EFNB2: variants seen among roughly 807,000 people sequenced by gnomAD.
EFNB2 encodes ephrin B2.
Under a neutral mutation model 32.1 loss-of-function variants are expected in EFNB2, and 5 were observed. The observed-to-expected ratio is 0.16, with a 90% CI of 0.08 to 0.33. EFNB2 has a LOEUF of 0.33. Ranked by LOEUF, EFNB2 falls within the 10% of genes least tolerant of loss-of-function variation. The pLI is 1.00. For missense variants in EFNB2, 263 were observed against 422.6 expected, an observed-to-expected ratio of 0.62 and a Z score of 3.31; for synonymous variants, 168 against 166.5, an observed-to-expected ratio of 1.01 and a Z score of -0.07.
chr13:106,528,132 G>A (rs893118780), intron 1 of EFNB2, among the ~76,000 whole-genome samples: 9 of 152,192 alleles, frequency 5.9e-5, no homozygotes, highest in African/African-American at 2.2e-4. Context: ...CTCTGATGAA[G>A]CTAGACAAAT....
intron 1 of EFNB2, chr13:106,521,486 G>C (rs912756933): frequency 3.3e-5 from 5 of 152,140 alleles, no homozygotes; most frequent in Non-Finnish European, 7.3e-5. Context: ...CCCAGTTCCT[G>C]GCCCAAAGAC....
chr13:106,499,924 CA>C (rs1367472900), intron 2 of EFNB2, among the ~76,000 whole-genome samples: 1 of 152,146 alleles, frequency 6.6e-6, no homozygotes, highest in East Asian at 1.9e-4. Flanking sequence ...TACTGCTCAG[CA>C]AAAAAGTTCC....
chr13:106,505,016 C>A (rs1878904846), intron 2 of EFNB2, among the ~76,000 whole-genome samples: 1 of 152,082 alleles, frequency 6.6e-6, no homozygotes, highest in Admixed American at 6.6e-5. Flanking sequence ...GCCACTATAA[C>A]CACCTTTTCC....
At chr13:106,495,056 C>G in intron 3 of EFNB2, 62 bp from the exon 4 acceptor site, 1 of 1,306,732 alleles carries the variant, frequency 7.7e-7, no homozygotes, top group South Asian at 1.2e-5. Context: ...GCTTTAGGAG[C>G]TGCATATATA....
At chr13:106,512,233 T>C (rs1174673038) in intron 2 of EFNB2, among the ~76,000 whole-genome samples, 1 of 151,984 alleles carries the variant, frequency 6.6e-6, no homozygotes. Context: ...TCCTTAAAAA[T>C]GGTTTTGTCA....
chr13:106,527,067 T>C (rs1024726275), intron 1 of EFNB2, among the ~76,000 whole-genome samples: 1 of 152,124 alleles, frequency 6.6e-6, no homozygotes, highest in Non-Finnish European at 1.5e-5. Context: ...ATGTTGACTC[T>C]AGTGGTTTCA....
At chr13:106,532,618 C>T (rs1387076896) in intron 1 of EFNB2, among the ~76,000 whole-genome samples, 1 of 152,224 alleles carries the variant, frequency 6.6e-6, no homozygotes, top group Non-Finnish European at 1.5e-5. Flanking sequence ...AGCTAGCATT[C>T]AGCTGCAAGG....
At chr13:106,504,412 ACACAGCTTAGATGGACAT>A (rs1224910338) in intron 2 of EFNB2, among the ~76,000 whole-genome samples, 4 of 152,234 alleles carry the variant, frequency 2.6e-5, no homozygotes, top group South Asian at 2.1e-4. Flanking sequence ...TCATGGACAC[ACACAGCTTAGATGGACAT>A]CACAGCTTAG....
chr13:106,507,338 C>G (rs1878988569), intron 2 of EFNB2, among the ~76,000 whole-genome samples: 1 of 152,142 alleles, frequency 6.6e-6, no homozygotes, highest in African/African-American at 2.4e-5. Context: ...TTTGAAAGCT[C>G]CTGTAACTAT....
chr13:106,523,541 G>A (rs1255302872), intron 1 of EFNB2, among the ~76,000 whole-genome samples: 1 of 152,160 alleles, frequency 6.6e-6, no homozygotes, highest in Non-Finnish European at 1.5e-5. Flanking sequence ...TTGGTTGTTG[G>A]AGACCTCTGG....
intron 1 of EFNB2, among the ~76,000 whole-genome samples, chr13:106,523,370 T>C (rs1049340247): frequency 6.6e-6 from 1 of 152,164 alleles, no homozygotes; most frequent in Non-Finnish European, 1.5e-5. Flanking sequence ...AGTCACCACA[T>C]TCAGCCTGGA....
At chr13:106,499,904 G>A (rs894587671) in intron 2 of EFNB2, among the ~76,000 whole-genome samples, 1 of 152,150 alleles carries the variant, frequency 6.6e-6, no homozygotes, top group Non-Finnish European at 1.5e-5. Context: ...AATTTCCAGT[G>A]GGTAGAGATT....
chr13:106,505,032 G>T (rs1878905277), intron 2 of EFNB2, among the ~76,000 whole-genome samples: 2 of 152,070 alleles, frequency 1.3e-5, no homozygotes, highest in African/African-American at 2.4e-5. Flanking sequence ...TTTCCCAATG[G>T]CCTTCCTTTC....
intron 2 of EFNB2, among the ~76,000 whole-genome samples, chr13:106,498,911 G>C (rs1368541646): frequency 6.6e-6 from 1 of 152,116 alleles, no homozygotes; most frequent in Non-Finnish European, 1.5e-5. Flanking sequence ...GGTACTGGAA[G>C]ATACTGAAAA....
intron 2 of EFNB2, among the ~76,000 whole-genome samples, chr13:106,501,871 C>A (rs139293671): frequency 3.3e-5 from 5 of 152,134 alleles, no homozygotes; most frequent in Non-Finnish European, 5.9e-5. Context: ...GGATTACAGG[C>A]GTGAGCCACC....
At chr13:106,531,279 T>C (rs1356273283) in intron 1 of EFNB2, among the ~76,000 whole-genome samples, 1 of 152,236 alleles carries the variant, frequency 6.6e-6, no homozygotes, top group Non-Finnish European at 1.5e-5. Flanking sequence ...AAGCATGTTG[T>C]GAGGTATCGC....
chr13:106,501,009 T>C (rs1211827209), intron 2 of EFNB2, among the ~76,000 whole-genome samples: 1 of 152,040 alleles, frequency 6.6e-6, no homozygotes, highest in Non-Finnish European at 1.5e-5. Context: ...AGTTGAAAAA[T>C]AAGAAGGCTG....
chr13:106,514,166 CTTTT>C (rs548974165), intron 1 of EFNB2, among the ~76,000 whole-genome samples: 12 of 150,794 alleles, frequency 8.0e-5, no homozygotes, highest in African/African-American at 2.7e-4. Context: ...AGGATGGTCC[CTTTT>C]TTTTTAACTG....
intron 3 of EFNB2, among the ~76,000 whole-genome samples, 198 bp from the exon 4 acceptor site, chr13:106,495,192 G>A (rs755614701): frequency 6.6e-6 from 1 of 152,190 alleles, no homozygotes; most frequent in Non-Finnish European, 1.5e-5. Flanking sequence ...TAGAACGTGA[G>A]GCCATCTGTG....
Sources: allele counts gnomAD v4.1 joint callset (sites outside exome capture counted in the v4.1 genomes callset), GRCh38; gene constraint gnomAD v4.1.1; transcripts MANE v1.5; gene names NCBI Gene and HGNC (gene_info 2026-07-23, HGNC 2026-07-21).